The following TRAFD1 variants were observed in gnomAD, a reference collection of about 807,000 sequenced individuals.
TRAFD1 encodes the protein TRAF-type zinc finger domain-containing protein 1.
Under a neutral mutation model 65.3 loss-of-function variants are expected in TRAFD1, and 38 were observed. The ratio of observed to expected loss-of-function variants is 0.58; its 90% CI spans 0.45 to 0.76. The LOEUF (loss-of-function observed/expected upper bound fraction) is 0.76. Among genes scored for constraint, TRAFD1 ranks in the 30% least tolerant of loss-of-function variants. The pLI, the probability that TRAFD1 is intolerant of heterozygous loss-of-function variation, is 0.00. For synonymous variants in TRAFD1, 223 were observed against 257.2 expected (o/e 0.87, Z 1.27); for missense variants, 631 against 712.6 (o/e 0.89, Z 1.30).
rs1215062360 is a variant in TRAFD1 at position 112,142,221 on chromosome 12, A to G, written c.776A>G (p.Glu259Gly). Residue 259 changes from glutamate to glycine, a missense_variant, in exon 6 of 12, where the codon GAG (glutamate) becomes GGG (glycine). By Grantham distance (98) the Glu-to-Gly change is moderately conservative (BLOSUM62 -2). Coordinates refer to ENST00000412615, the MANE Select transcript of TRAFD1 (RefSeq NM_006700.3). Reference protein sequence around the residue: ...QNEGQASSVAEQDFWRAVCEA... With the variant: ...QNEGQASSVAGQDFWRAVCEA... ...GAAGGCCAAGCCTCCAGTGTGGCAG[A>G]GCAGGACTTCTGGAGGGCCGTATGT... The G allele has an allele frequency of 3.7e-6, 6 of 1,613,866 alleles. No homozygotes were observed. Among genetic ancestry groups the G allele is most frequent in the Non-Finnish European group, 5.1e-6 (6 of 1,179,954 alleles).
chr12:112,130,108 A>G lies in TRAFD1; in HGVS notation c.-12-403A>G, dbSNP rs148769878. 6.6e-6 allele frequency among the ~76,000 whole-genome samples: 1 copy of G among 150,576 alleles called. No individual in the cohort carries two copies. Among genetic ancestry groups the G allele is most frequent in the African/African-American group, 2.4e-5 (1 of 41,108 alleles). On this transcript the variant is annotated intron_variant, in intron 1 of 11. Coordinates refer to ENST00000412615, the MANE Select transcript of TRAFD1 (RefSeq NM_006700.3). This position sits in a 1 kb window ranked among gnomAD's most constrained non-coding sequence, Gnocchi z 4.4. ...CTCTCGAGTAGCTGGGACTACAGGCACACATCACCATGCCTGGGTAATTTT... is the reference window on the plus strand; with the variant it reads ...CTCTCGAGTAGCTGGGACTACAGGCGCACATCACCATGCCTGGGTAATTTT...
chr12:112,146,038 A>G (rs1593871055), intron 7 of TRAFD1, among the ~76,000 whole-genome samples: 3 of 124,912 alleles, frequency 2.4e-5, no homozygotes, highest in Non-Finnish European at 5.1e-5. Flanking sequence ...GGGAGGGGGG[A>G]GGGATAGCAT....
chr12:112,145,470 A>T (rs2030212840), intron 6 of TRAFD1, 116 bp from the exon 7 acceptor site: 2 of 1,002,108 alleles, frequency 2.0e-6, no homozygotes, highest in African/African-American at 3.2e-5. Context: ...ATTGCTATCT[A>T]TAAGAAACAT....
chr12:112,127,381 C>T (rs1483149297), intron 1 of TRAFD1, among the ~76,000 whole-genome samples: 1 of 152,194 alleles, frequency 6.6e-6, no homozygotes, highest in Non-Finnish European at 1.5e-5. Flanking sequence ...TTTTTCTCTA[C>T]CACTAAATCG....
chr12:112,146,253 G>A (rs1414142949), intron 7 of TRAFD1, among the ~76,000 whole-genome samples: 2 of 148,628 alleles, frequency 1.3e-5, no homozygotes, highest in Non-Finnish European at 3.0e-5. Context: ...AAAAGTGATG[G>A]CAGTGATGTA....
intron 6 of TRAFD1, 37 bp from the exon 7 acceptor site, chr12:112,145,549 G>T: frequency 6.2e-7 from 1 of 1,604,008 alleles, no homozygotes; most frequent in South Asian, 1.1e-5. Flanking sequence ...GTTTGTTTTT[G>T]TTCATCCTGA....
chr12:112,145,505 A>G, intron 6 of TRAFD1, 81 bp from the exon 7 acceptor site: 1 of 1,381,312 alleles, frequency 7.2e-7, no homozygotes. Context: ...CTTCTATATA[A>G]GACCCCATAA....
chr12:112,134,617 CTAAAGA>C (rs913464442), intron 2 of TRAFD1, 115 bp from the exon 3 acceptor site: 2 of 1,200,482 alleles, frequency 1.7e-6, no homozygotes, highest in African/African-American at 3.1e-5. Context: ...TAGGTATTCA[CTAAAGA>C]TAAATAATGG....
At chr12:112,151,335 A>T (rs2030400069) in intron 9 of TRAFD1, among the ~76,000 whole-genome samples, 1 of 152,090 alleles carries the variant, frequency 6.6e-6, no homozygotes, top group African/African-American at 2.4e-5. Context: ...GAATTGATAA[A>T]ATATCCCCAT....
At chr12:112,149,500 T>G in intron 8 of TRAFD1, 1 of 358,306 alleles carries the variant, frequency 2.8e-6, no homozygotes, top group Non-Finnish European at 5.1e-6. Context: ...GAAATAAATG[T>G]TTTTCTGGGC....
intron 2 of TRAFD1, 96 bp from the exon 3 acceptor site, chr12:112,134,642 G>C: frequency 7.2e-7 from 1 of 1,390,810 alleles, no homozygotes; most frequent in Non-Finnish European, 9.9e-7. Context: ...GGAGACTAAA[G>C]ATTGGACAGG....
At chr12:112,146,180 A>C (rs1273647761) in intron 7 of TRAFD1, among the ~76,000 whole-genome samples, 1 of 150,798 alleles carries the variant, frequency 6.6e-6, no homozygotes, top group African/African-American at 2.4e-5. Context: ...AATAATAAAA[A>C]AAAGAAGAAG....
intron 6 of TRAFD1, among the ~76,000 whole-genome samples, chr12:112,142,605 G>A (rs991371307): frequency 2.0e-5 from 3 of 151,452 alleles, no homozygotes; most frequent in African/African-American, 7.3e-5. Context: ...AGCTGAGATT[G>A]TGCCACTGCA....
At position 112,152,879 on chromosome 12, in the gene TRAFD1, G is replaced by C; in HGVS notation, c.*88G>C. ...GCAGGCCCACCTCTTTGGCTCTTTGGGTGGGAGAGTTTTTCCAGATTTTAG... is the reference window on the plus strand; with the variant it reads ...GCAGGCCCACCTCTTTGGCTCTTTGCGTGGGAGAGTTTTTCCAGATTTTAG... On this transcript the variant is annotated 3_prime_UTR_variant, in exon 12 of 12. Coordinates refer to ENST00000412615, the MANE Select transcript of TRAFD1 (RefSeq NM_006700.3). This position sits in a 1 kb window ranked among gnomAD's most constrained non-coding sequence, Gnocchi z 5.0. 1 of 1,475,310 alleles carries C rather than the reference G, an allele frequency of 6.8e-7. No individual in the cohort carries two copies. The highest frequency in any genetic ancestry group is 9.2e-7 in the Non-Finnish European group (1 of 1,081,152). 91.4% of individuals were successfully genotyped at this position (1,475,310 alleles called of 1,614,324 possible). A position where few individuals can be genotyped will look rare whatever the true frequency, so the allele number is the denominator to read the frequency against.
In TRAFD1 at chr12:112,151,884, A is replaced by T. The variant is rs774459372; in HGVS notation, c.1363A>T (p.Ile455Phe). The part of the protein sequence containing the change: ...PTSCLPPSRP[I>F]NNMTATYNQL... ...CTCCTGTCTGCCTCCCAGCCGACCC[A>T]TTAACAATATGACAGCTACCTATAA... Residue 455 changes from isoleucine to phenylalanine, a missense_variant, in exon 10 of 12, where the codon ATT becomes TTT. Transcript: ENST00000412615. 3 of 1,614,072 alleles carry T rather than the reference A, an allele frequency of 1.9e-6. No homozygotes were observed. Among genetic ancestry groups the T allele is most frequent in the Non-Finnish European group, 2.5e-6 (3 of 1,180,048 alleles).
At chr12:112,141,922 T>C (rs1211305783) in intron 5 of TRAFD1, 167 bp from the exon 6 acceptor site, 2 of 662,546 alleles carry the variant, frequency 3.0e-6, no homozygotes, top group African/African-American at 3.6e-5. Flanking sequence ...CAGACTTTAA[T>C]GTTCAAAGCT....
intron 7 of TRAFD1, 125 bp from the exon 8 acceptor site, chr12:112,147,949 G>A (rs998652819): frequency 5.9e-6 from 5 of 841,188 alleles, no homozygotes; most frequent in African/African-American, 5.2e-5. Flanking sequence ...GATTACAGGC[G>A]TGAGCCACCG....
At chr12:112,144,521 T>C (rs771623732) in intron 6 of TRAFD1, among the ~76,000 whole-genome samples, 2 of 152,208 alleles carry the variant, frequency 1.3e-5, no homozygotes, top group African/African-American at 2.4e-5. Context: ...TCCACCCACC[T>C]TGGCCTCCCA....
At chr12:112,128,015 CT>C (rs1017554793) in intron 1 of TRAFD1, among the ~76,000 whole-genome samples, 57 of 142,498 alleles carry the variant, frequency 4.0e-4, no homozygotes, top group South Asian at 4.5e-4. Flanking sequence ...CAGTATTGTC[CT>C]TTTTTTTTTT....
Sources: gnomAD v4.1 joint callset for allele counts (sites outside exome capture counted in the v4.1 genomes callset) on GRCh38, gnomAD v4.1.1 for gene constraint, Gnocchi (gnomAD v3.1) non-coding constraint, MANE v1.5 for transcripts, NCBI Gene and HGNC (gene_info 2026-07-23, HGNC 2026-07-21) for gene names.